The following PLCB1 variants were observed in gnomAD, a reference collection of about 807,000 sequenced individuals.
PLCB1 encodes 1-phosphatidylinositol 4,5-bisphosphate phosphodiesterase beta-1.
PLCB1 carries 46 observed loss-of-function variants against 161.8 expected under a neutral mutation model. The ratio of observed to expected loss-of-function variants is 0.28; its 90% CI spans 0.22 to 0.36. The LOEUF is 0.36. Ranked by LOEUF, PLCB1 falls within the 10% of genes least tolerant of loss-of-function variation. The pLI is 1.00. For synonymous variants in PLCB1, 517 were observed against 503.7 expected (o/e 1.03, Z -0.35); for missense variants, 1,016 against 1,472.5 (o/e 0.69, Z 5.07).
chr20:8,410,545 G>A (rs1032526170), intron 3 of PLCB1, among the ~76,000 whole-genome samples: 4 of 151,860 alleles, frequency 2.6e-5, no homozygotes, highest in Non-Finnish European at 4.4e-5. Context: ...TTTGATGTGC[G>A]TATTATGCCC....
intron 2 of PLCB1, among the ~76,000 whole-genome samples, chr20:8,340,824 G>C (rs1196216371): frequency 6.6e-6 from 1 of 152,176 alleles, no homozygotes; most frequent in Non-Finnish European, 1.5e-5. Context: ...TGATGTTCCT[G>C]TGATCTCATG....
chr20:8,153,986 T>C (rs1278093403), intron 2 of PLCB1, among the ~76,000 whole-genome samples: 1 of 152,188 alleles, frequency 6.6e-6, no homozygotes, highest in East Asian at 1.9e-4. Context: ...TAAACTGCAC[T>C]CTCCCATTGA....
At chr20:8,801,839 CGAG>C (rs1266696819) in intron 31 of PLCB1, among the ~76,000 whole-genome samples, 7 of 152,052 alleles carry the variant, frequency 4.6e-5, no homozygotes, top group African/African-American at 1.7e-4. Context: ...GTGGGGAGGC[CGAG>C]GAGAACTCAA....
At chr20:8,795,351 C>T (rs1435060534) in intron 31 of PLCB1, among the ~76,000 whole-genome samples, 2 of 152,126 alleles carry the variant, frequency 1.3e-5, no homozygotes, top group African/African-American at 4.8e-5. Flanking sequence ...CTCAATTTGA[C>T]ACAAAATGAT....
intron 3 of PLCB1, among the ~76,000 whole-genome samples, chr20:8,439,256 G>A (rs1025820393): frequency 6.6e-6 from 1 of 152,146 alleles, no homozygotes; most frequent in African/African-American, 2.4e-5. Flanking sequence ...TCGTAAAGGT[G>A]CCAAGCCTCC....
chr20:8,548,206 TTTCC>T (rs71183098), intron 3 of PLCB1, among the ~76,000 whole-genome samples: 41,262 of 142,392 alleles, frequency 0.29, 6,909 homozygotes, highest in Non-Finnish European at 0.38. Context: ...TCCCATTTTC[TTTCC>T]TTCCTTCCTT....
chr20:8,133,147 C>T (rs1568564396), intron 1 of PLCB1, among the ~76,000 whole-genome samples: 1 of 152,130 alleles, frequency 6.6e-6, no homozygotes. Context: ...CGGACGCACC[C>T]CCTATTACCT....
intron 2 of PLCB1, among the ~76,000 whole-genome samples, chr20:8,331,589 CA>C (rs1242791992): frequency 1.3e-5 from 2 of 152,128 alleles, no homozygotes; most frequent in African/African-American, 4.8e-5. Flanking sequence ...CTGAGTCCAC[CA>C]AACCATTACA....
chr20:8,692,110 GA>G (rs1435666610), intron 10 of PLCB1, among the ~76,000 whole-genome samples: 2 of 152,148 alleles, frequency 1.3e-5, no homozygotes, highest in Non-Finnish European at 2.9e-5. Context: ...AGATAAGAAA[GA>G]AACCATTAGA....
chr20:8,657,775 GA>G (rs530541762), intron 8 of PLCB1, among the ~76,000 whole-genome samples: 5 of 151,370 alleles, frequency 3.3e-5, no homozygotes, highest in African/African-American at 7.3e-5. Context: ...AAGAAAAAAG[GA>G]AAAAAAAGAA....
intron 2 of PLCB1, among the ~76,000 whole-genome samples, chr20:8,210,876 A>C (rs534202440): frequency 9.1e-4 from 139 of 152,248 alleles, no homozygotes; most frequent in Non-Finnish European, 1.8e-3. Flanking sequence ...TTGAGATAGA[A>C]GAGGCACAAG....
chr20:8,590,545 C>T (rs893960961), intron 3 of PLCB1, among the ~76,000 whole-genome samples: 2 of 152,028 alleles, frequency 1.3e-5, no homozygotes, highest in Non-Finnish European at 1.5e-5. Context: ...TATTATTTTA[C>T]AGTTTTATAG....
chr20:8,235,584 T>A (rs1446161311), intron 2 of PLCB1, among the ~76,000 whole-genome samples: 1 of 152,236 alleles, frequency 6.6e-6, no homozygotes, highest in East Asian at 1.9e-4. Flanking sequence ...AGCATGTCTC[T>A]AAATTGGGAG....
chr20:8,347,775 A>AT (rs994210998), intron 2 of PLCB1, among the ~76,000 whole-genome samples: 1 of 152,148 alleles, frequency 6.6e-6, no homozygotes, highest in Admixed American at 6.5e-5. Flanking sequence ...AAGATGATGA[A>AT]TTTTTTAAGT....
chr20:8,735,380 C>T (rs1980526153), intron 19 of PLCB1, among the ~76,000 whole-genome samples: 1 of 152,202 alleles, frequency 6.6e-6, no homozygotes, highest in South Asian at 2.1e-4. Flanking sequence ...ACCTGCTGCT[C>T]CTGTCCAGAA....
At chr20:8,665,560 GCA>G (rs1307992296) in intron 9 of PLCB1, among the ~76,000 whole-genome samples, 2 of 151,742 alleles carry the variant, frequency 1.3e-5, no homozygotes, top group East Asian at 3.9e-4. Context: ...TCACATCTGT[GCA>G]CAAATGGTCC....
chr20:8,526,221 G>T (rs969749697), intron 3 of PLCB1, among the ~76,000 whole-genome samples: 8 of 152,036 alleles, frequency 5.3e-5, no homozygotes, highest in South Asian at 2.1e-4. Context: ...TTTAAAAAAA[G>T]GTTGGACTCC....
At chr20:8,533,109 C>A (rs1335506078) in intron 3 of PLCB1, among the ~76,000 whole-genome samples, 1 of 150,342 alleles carries the variant, frequency 6.7e-6, no homozygotes, top group Non-Finnish European at 1.5e-5. Context: ...TGAGAACATG[C>A]GGTGTTTGGT....
intron 2 of PLCB1, among the ~76,000 whole-genome samples, chr20:8,223,862 C>G (rs1363750094): frequency 6.6e-6 from 1 of 152,106 alleles, no homozygotes; most frequent in Admixed American, 6.6e-5. Context: ...GATAATTGGC[C>G]TCACCCCTAC....
Sources: allele counts gnomAD v4.1 joint callset (sites outside exome capture counted in the v4.1 genomes callset), GRCh38; gene constraint gnomAD v4.1.1; transcripts MANE v1.5; gene names NCBI Gene and HGNC (gene_info 2026-07-23, HGNC 2026-07-21).